The following ANAPC1 variants were observed in gnomAD, a reference collection of about 807,000 sequenced individuals.
ANAPC1 encodes anaphase-promoting complex subunit 1.
A neutral mutation model predicts 208.0 loss-of-function variants in ANAPC1; 36 were observed. The observed-to-expected ratio is 0.17, with a 90% confidence interval of 0.13 to 0.23. The LOEUF is 0.23. ANAPC1 is among the 10% of genes least tolerant of loss of function. The pLI, the probability that ANAPC1 is intolerant of heterozygous loss-of-function variation, is 1.00. For missense variants in ANAPC1, 942 were observed against 2,011.6 expected (o/e 0.47, Z 10.17); for synonymous variants, 378 against 695.2 (o/e 0.54, Z 7.18).
At chr2:111,823,152 G>A (rs1453177665) in intron 24 of ANAPC1, among the ~76,000 whole-genome samples, 1 of 150,914 alleles carries the variant, frequency 6.6e-6, no homozygotes, top group Non-Finnish European at 1.5e-5. Flanking sequence ...TGGGACTACA[G>A]GCGCCCGCCA....
At chr2:111,813,688 T>A (rs1679103773) in intron 28 of ANAPC1, among the ~76,000 whole-genome samples, 1 of 152,096 alleles carries the variant, frequency 6.6e-6, no homozygotes, top group Non-Finnish European at 1.5e-5. Flanking sequence ...CAACAGGGAA[T>A]GGAGACTGGT....
intron 40 of ANAPC1, 113 bp from the exon 41 acceptor site, chr2:111,784,513 T>G: frequency 7.2e-7 from 1 of 1,386,426 alleles, no homozygotes; most frequent in Admixed American, 1.9e-5. Flanking sequence ...TACAGAGACC[T>G]TTAAATGGTA....
intron 13 of ANAPC1, among the ~76,000 whole-genome samples, chr2:111,853,023 GA>G (rs1289444888): frequency 6.6e-6 from 1 of 152,130 alleles, no homozygotes; most frequent in African/African-American, 2.4e-5. Flanking sequence ...GCCAAGGATG[GA>G]GAGGACATGA....
intron 17 of ANAPC1, among the ~76,000 whole-genome samples, chr2:111,839,113 G>T (rs1680627550): frequency 6.6e-6 from 1 of 152,142 alleles, no homozygotes; most frequent in Non-Finnish European, 1.5e-5. Flanking sequence ...GACCAGTCCA[G>T]TCCTACCCCT....
At chr2:111,828,271 A>G (rs1340665418) in intron 21 of ANAPC1, among the ~76,000 whole-genome samples, 72 of 152,332 alleles carry the variant, frequency 4.7e-4, no homozygotes, top group Non-Finnish European at 1.3e-4. Context: ...AAAAACAAAT[A>G]GAAAATAATA....
rs1366093935 is a variant in ANAPC1 at position 111,825,316 on chromosome 2, T to C, written c.2705-149A>G. ...AGCAATACTGTGGCAGGCTGAAAAG[T>C]ACAGTCAAGGCCCTCAGAATACTCA... On this transcript the variant is annotated intron_variant, in intron 22 of 47. Coordinates refer to ENST00000341068, the MANE Select transcript of ANAPC1 (RefSeq NM_022662.4). 19 of 1,190,288 alleles carry C rather than the reference T, an allele frequency of 1.6e-5. No homozygotes were observed. The East Asian group carries it at 3.8e-4, about 24-fold the overall frequency. 73.7% of individuals were successfully genotyped at this position (1,190,288 alleles called of 1,614,324 possible). A position where few individuals can be genotyped will look rare whatever the true frequency, so the allele number is the denominator to read the frequency against.
At chr2:111,846,192 C>T (rs1398157400) in intron 16 of ANAPC1, among the ~76,000 whole-genome samples, 2 of 151,970 alleles carry the variant, frequency 1.3e-5, no homozygotes, top group Non-Finnish European at 2.9e-5. Flanking sequence ...CGTTTGTTGG[C>T]AAATCCCTTC....
chr2:111,831,501 A>G, intron 20 of ANAPC1, 67 bp from the exon 21 acceptor site: 1 of 1,271,560 alleles, frequency 7.9e-7, no homozygotes, highest in Non-Finnish European at 1.1e-6. Flanking sequence ...TTTATTTTAA[A>G]CGGAAGATGA....
intron 21 of ANAPC1, among the ~76,000 whole-genome samples, 167 bp downstream of exon 21, chr2:111,831,119 G>A (rs886594331): frequency 6.6e-6 from 1 of 152,214 alleles, no homozygotes; most frequent in African/African-American, 2.4e-5. Flanking sequence ...AGAAATTTTT[G>A]AGGGTGATGT....
At chr2:111,858,758 T>C (rs993667554) in intron 10 of ANAPC1, among the ~76,000 whole-genome samples, 6 of 112,622 alleles carry the variant, frequency 5.3e-5, no homozygotes, top group Non-Finnish European at 1.1e-4. Context: ...CCAGACTCCG[T>C]CTCAAAAAGA....
intron 7 of ANAPC1, among the ~76,000 whole-genome samples, chr2:111,867,703 AAC>A (rs1487956138): frequency 1.5e-4 from 19 of 129,662 alleles, no homozygotes; most frequent in Non-Finnish European, 2.7e-4. Context: ...AAAAAAAAAA[AAC>A]CCAAAACAAC....
intron 10 of ANAPC1, among the ~76,000 whole-genome samples, chr2:111,860,862 G>T (rs1434109059): frequency 2.6e-5 from 4 of 151,608 alleles, no homozygotes; most frequent in Non-Finnish European, 5.9e-5. Context: ...CCTCTCCTTG[G>T]GAAAAGGCCT....
intron 36 of ANAPC1, 37 bp downstream of exon 36, chr2:111,794,196 A>C: frequency 1.4e-6 from 2 of 1,467,092 alleles, no homozygotes; most frequent in Middle Eastern, 1.8e-4. Context: ...TAAAACAAAC[A>C]AAAAAAAAGA....
At chr2:111,856,052 G>A (rs192168458) in intron 13 of ANAPC1, among the ~76,000 whole-genome samples, 3,730 of 152,180 alleles carry the variant, frequency 0.025, 146 homozygotes, top group African/African-American at 0.084. Flanking sequence ...TGGCTAACAC[G>A]GTGAAACCCC....
intron 3 of ANAPC1, among the ~76,000 whole-genome samples, chr2:111,875,560 T>C (rs960950680): frequency 7.2e-5 from 11 of 152,312 alleles, no homozygotes; most frequent in Non-Finnish European, 1.3e-4. Context: ...AGTCACAAAA[T>C]AGTGCCCCTG....
rs1366375633 is a variant in ANAPC1 at position 111,768,024 on chromosome 2, CTTTAA to C, written c.*1262_*1266del. 4.6e-5 allele frequency: 7 copies of C among 151,996 alleles called. No individual in the cohort carries two copies. Among genetic ancestry groups the C allele is most frequent in the African/African-American group, 1.2e-4 (5 of 41,358 alleles). The allele number at this position is 151,996 out of a possible 1,614,324, so 9.4% of individuals were successfully genotyped here. A position where few individuals can be genotyped will look rare whatever the true frequency, so the allele number is the denominator to read the frequency against. ...ATCTCAATGGAAACATTTCTATTTG[CTTTAA>C]TTTATTTTTAAAGTCAAACACCACA... On this transcript the variant is annotated 3_prime_UTR_variant, in exon 48 of 48. Coordinates refer to ENST00000341068, the MANE Select transcript of ANAPC1 (RefSeq NM_022662.4).
intron 39 of ANAPC1, among the ~76,000 whole-genome samples, chr2:111,787,424 T>C (rs899364484): frequency 3.3e-5 from 5 of 150,964 alleles, no homozygotes; most frequent in Non-Finnish European, 7.4e-5. Context: ...CTTTCTTCTG[T>C]CGTTGGTTAT....
rs34090398 is a variant in ANAPC1 at position 111,845,976 on chromosome 2, C to CAAAA, written c.1852+1158_1852+1161dup. ...TGGGCGACAGAGCGAGACTCCGTCT[C>CAAAA]AAAAAAAAAAAAAAAAAAAATACCT... On this transcript the variant is annotated intron_variant, in intron 16 of 47. Transcript: ENST00000341068. Among the ~76,000 whole-genome samples the CAAAA allele has an allele frequency of 5.7e-3, 579 of 100,698 alleles. 13 individuals are homozygous for CAAAA. Among genetic ancestry groups the CAAAA allele is most frequent in the African/African-American group, 0.021 (518 of 25,082 alleles). 66.1% of individuals were successfully genotyped at this position (100,698 alleles called of 152,430 possible). A position where few individuals can be genotyped will look rare whatever the true frequency, so the allele number is the denominator to read the frequency against.
intron 11 of ANAPC1, 32 bp from the exon 12 acceptor site, chr2:111,856,918 C>T (rs765501678): frequency 1.3e-6 from 2 of 1,553,838 alleles, no homozygotes; most frequent in South Asian, 1.1e-5. Context: ...AAACTTGATA[C>T]ATGCAACAAC....
Sources: allele counts gnomAD v4.1 joint callset (sites outside exome capture counted in the v4.1 genomes callset), GRCh38; gene constraint gnomAD v4.1.1; transcripts MANE v1.5; gene names NCBI Gene and HGNC (gene_info 2026-07-23, HGNC 2026-07-21).